The following COMMD1 variants were observed in gnomAD, a reference collection of about 807,000 sequenced individuals.
The protein encoded by COMMD1 is COMM domain-containing protein 1.
In COMMD1, 10 loss-of-function variants were observed where a neutral mutation model predicts 17.2. The observed-to-expected ratio is 0.58, with a 90% CI of 0.36 to 0.99. The LOEUF (loss-of-function observed/expected upper bound fraction) is 0.99, where lower values mean the gene tolerates loss of function less well. Among genes scored for constraint, COMMD1 ranks in the 50% least tolerant of loss-of-function variants. The probability of loss-of-function intolerance (pLI) is 0.01; values close to 1 mark genes in which losing one functional copy is unlikely to be tolerated. For synonymous variants in COMMD1, 97 were observed against 91.6 expected, an observed-to-expected ratio of 1.06 and a Z score of -0.34; for missense variants, 270 against 231.8, an observed-to-expected ratio of 1.17 and a Z score of -1.07.
intron 2 of COMMD1, among the ~76,000 whole-genome samples, chr2:62,046,084 A>G (rs1024907895): frequency 7.2e-5 from 11 of 152,196 alleles, no homozygotes; most frequent in African/African-American, 2.4e-4. Flanking sequence ...GCCTATGTCC[A>G]GGAATGACCA....
intron 2 of COMMD1, among the ~76,000 whole-genome samples, chr2:62,015,540 G>T (rs112612348): frequency 6.6e-6 from 1 of 152,108 alleles, no homozygotes; most frequent in Non-Finnish European, 1.5e-5. Flanking sequence ...TATATACTAG[G>T]AGTGGACTTG....
At chr2:61,893,033 A>G (rs756372755) in intron 1 of COMMD1, among the ~76,000 whole-genome samples, 1 of 151,716 alleles carries the variant, frequency 6.6e-6, no homozygotes, top group Non-Finnish European at 1.5e-5. Flanking sequence ...GTGGTCGGCT[A>G]ATTTTGTATT....
At chr2:62,033,721 T>C (rs1669969546) in intron 2 of COMMD1, among the ~76,000 whole-genome samples, 1 of 152,228 alleles carries the variant, frequency 6.6e-6, no homozygotes, top group Admixed American at 6.5e-5. Context: ...AGCTAGTGGT[T>C]ATATTAGATA....
intron 2 of COMMD1, among the ~76,000 whole-genome samples, chr2:62,034,876 G>A (rs1264259771): frequency 2.0e-5 from 3 of 152,192 alleles, no homozygotes; most frequent in Non-Finnish European, 4.4e-5. Context: ...AGAGAACCAA[G>A]CAATAAGTGA....
chr2:61,965,437 A>G (rs1157110398), intron 1 of COMMD1, among the ~76,000 whole-genome samples: 1 of 152,234 alleles, frequency 6.6e-6, no homozygotes, highest in Admixed American at 6.5e-5. Flanking sequence ...AACCAGAGCT[A>G]AAACTACTTC....
At chr2:61,916,240 G>T (rs899805796) in intron 1 of COMMD1, among the ~76,000 whole-genome samples, 6 of 152,174 alleles carry the variant, frequency 3.9e-5, no homozygotes, top group African/African-American at 1.2e-4. Context: ...GGGATTACAA[G>T]CCTGAACCAC....
chr2:62,024,364 G>A (rs1669697208), intron 2 of COMMD1, among the ~76,000 whole-genome samples: 1 of 152,032 alleles, frequency 6.6e-6, no homozygotes, highest in Non-Finnish European at 1.5e-5. Flanking sequence ...CTACAGGCGC[G>A]CACCACCATG....
rs67886279 is a variant in COMMD1 at position 62,014,542 on chromosome 2, C to CTTTTTTTT, written c.462+13590_462+13597dup. ...CATAACAAAATTTTACCATTTTAAC[C>CTTTTTTTT]TTTTTTTTTTTTTTTTTTTTTTTTT... On this transcript the variant is annotated intron_variant, in intron 2 of 2. Coordinates refer to ENST00000311832, the MANE Select transcript of COMMD1 (RefSeq NM_152516.4). Among the ~76,000 whole-genome samples, 46 of 63,566 alleles carry CTTTTTTTT rather than the reference C, an allele frequency of 7.2e-4. 3 individuals carry two copies. The highest frequency in any genetic ancestry group is 1.5e-3 in the African/African-American group (21 of 14,020). The allele number at this position is 63,566 out of a possible 152,430, so 41.7% of individuals were successfully genotyped here.
chr2:62,098,951 TG>T (rs1371877445), intron 2 of COMMD1, among the ~76,000 whole-genome samples: 3 of 152,212 alleles, frequency 2.0e-5, no homozygotes, highest in Non-Finnish European at 4.4e-5. Flanking sequence ...TCAGTCGGAC[TG>T]GGGAATCCAG....
At chr2:62,004,573 A>G (rs1669061333) in intron 2 of COMMD1, among the ~76,000 whole-genome samples, 1 of 152,180 alleles carries the variant, frequency 6.6e-6, no homozygotes, top group African/African-American at 2.4e-5. Context: ...AAGTGCTGGG[A>G]TTACAGGCTT....
chr2:61,972,521 C>T (rs978899433), intron 1 of COMMD1, among the ~76,000 whole-genome samples: 1 of 152,176 alleles, frequency 6.6e-6, no homozygotes, highest in Admixed American at 6.5e-5. Flanking sequence ...GCAGAGAAAC[C>T]TGACAGGCAC....
At chr2:62,087,184 A>G (rs1245370598) in intron 2 of COMMD1, among the ~76,000 whole-genome samples, 1 of 152,224 alleles carries the variant, frequency 6.6e-6, no homozygotes, top group African/African-American at 2.4e-5. Context: ...TAAAGCTTCA[A>G]CAAAATTATT....
chr2:61,946,760 CTT>C (rs1670917881), intron 1 of COMMD1, among the ~76,000 whole-genome samples: 1 of 152,104 alleles, frequency 6.6e-6, no homozygotes, highest in African/African-American at 2.4e-5. Context: ...GTTTTTTTCT[CTT>C]GTTTTTTTCT....
At chr2:62,042,550 C>T (rs566215382) in intron 2 of COMMD1, among the ~76,000 whole-genome samples, 4 of 152,286 alleles carry the variant, frequency 2.6e-5, no homozygotes, top group Non-Finnish European at 5.9e-5. Flanking sequence ...TGAGCCCGTG[C>T]CCACCCGGAA....
intron 1 of COMMD1, among the ~76,000 whole-genome samples, chr2:61,959,895 T>C (rs576571705): frequency 2.0e-5 from 3 of 152,312 alleles, no homozygotes; most frequent in East Asian, 3.9e-4. Context: ...CCAGTTTCCA[T>C]TGGCTGGAAT....
intron 1 of COMMD1, among the ~76,000 whole-genome samples, chr2:61,929,456 A>G (rs1176372700): frequency 2.6e-5 from 4 of 152,210 alleles, no homozygotes; most frequent in African/African-American, 7.2e-5. Context: ...CACCAAGAAG[A>G]GTCTCAGCAA....
At chr2:62,026,757 G>A (rs1249175773) in intron 2 of COMMD1, among the ~76,000 whole-genome samples, 3 of 152,076 alleles carry the variant, frequency 2.0e-5, no homozygotes, top group South Asian at 2.1e-4. Flanking sequence ...AATCAGCCAT[G>A]TCTCCCCACC....
intron 1 of COMMD1, among the ~76,000 whole-genome samples, chr2:61,966,026 T>A (rs1379245202): frequency 6.6e-6 from 1 of 152,218 alleles, no homozygotes; most frequent in Non-Finnish European, 1.5e-5. Flanking sequence ...AGCACAGTCA[T>A]TTTCTATACA....
chr2:62,024,339 A>G (rs1021750822), intron 2 of COMMD1, among the ~76,000 whole-genome samples: 2 of 152,032 alleles, frequency 1.3e-5, no homozygotes, highest in Non-Finnish European at 2.9e-5. Flanking sequence ...ACCTCAGCCT[A>G]CTGAGTAGCT....
Sources: gnomAD v4.1 joint callset for allele counts (sites outside exome capture counted in the v4.1 genomes callset) on GRCh38, gnomAD v4.1.1 for gene constraint, MANE v1.5 for transcripts, NCBI Gene and HGNC (gene_info 2026-07-23, HGNC 2026-07-21) for gene names.